The following L3MBTL4 variants were observed in gnomAD, a reference collection of about 807,000 sequenced individuals.
L3MBTL4 encodes the protein lethal(3)malignant brain tumor-like protein 4.
L3MBTL4 carries 70 observed loss-of-function variants against 84.5 expected under a neutral mutation model. That is an observed-to-expected ratio of 0.83 (90% CI 0.68 to 1.01). The LOEUF is 1.01. Ranked by LOEUF, L3MBTL4 falls within the 50% of genes least tolerant of loss-of-function variation. The pLI, the probability that L3MBTL4 is intolerant of heterozygous loss-of-function variation, is 0.00. For synonymous variants in L3MBTL4, 274 were observed against 259.8 expected (o/e 1.05, Z -0.52); for missense variants, 715 against 754.8 (o/e 0.95, Z 0.62).
At chr18:6,383,157 C>T (rs550738214) in intron 1 of L3MBTL4, among the ~76,000 whole-genome samples, 1 of 152,184 alleles carries the variant, frequency 6.6e-6, no homozygotes, top group Admixed American at 6.5e-5. Flanking sequence ...GGACGCCCCT[C>T]CCCCAACCAA....
rs544971927 is a variant in L3MBTL4, at chr18:6,234,048, CA to C, written c.784+3915del. 1.4e-4 allele frequency among the ~76,000 whole-genome samples: 22 copies of C among 152,100 alleles called. 1 individual carries two copies. In the East Asian group the frequency reaches 4.3e-3, roughly 29 times the overall value. ...ACCATCTGATCTTTGACAAACCTGA[CA>C]AAAACAAGAAATGGGGAAAGGATTC... On this transcript the variant is annotated intron_variant, in intron 10 of 18. Coordinates refer to ENST00000317931, the MANE Select transcript of L3MBTL4 (RefSeq NM_001330559.2).
At chr18:6,173,108 A>G (rs1179630038) in intron 12 of L3MBTL4, among the ~76,000 whole-genome samples, 3 of 152,238 alleles carry the variant, frequency 2.0e-5, no homozygotes, top group Admixed American at 2.0e-4. Context: ...CAAGTGTTCT[A>G]CATGAATCTG....
intron 14 of L3MBTL4, among the ~76,000 whole-genome samples, chr18:6,097,694 G>A (rs183252739): frequency 2.6e-4 from 39 of 152,310 alleles, no homozygotes; most frequent in African/African-American, 8.4e-4. Context: ...CAAATGCCAT[G>A]CTCAGAAGCC....
Position 6,272,136 on chromosome 18 carries a change from G to GA in L3MBTL4, c.128-8099_128-8098insT, listed in dbSNP as rs771543058. On this transcript the variant is annotated intron_variant, in intron 4 of 18. Coordinates refer to ENST00000317931, the MANE Select transcript of L3MBTL4 (RefSeq NM_001330559.2). ...TGAGGGAAATGCACCCAGAGAGAGA[G>GA]GAAAAAAGAAGCCTCTCAGAAAAGA... 5.2e-3 allele frequency among the ~76,000 whole-genome samples: 793 copies of GA among 152,156 alleles called. 2 individuals carry two copies. The highest frequency in any genetic ancestry group is 8.6e-3 in the Non-Finnish European group (587 of 67,964).
intron 14 of L3MBTL4, among the ~76,000 whole-genome samples, chr18:6,098,129 C>G (rs1007335814): frequency 6.6e-6 from 1 of 152,184 alleles, no homozygotes; most frequent in African/African-American, 2.4e-5. Context: ...TTCATTTTCT[C>G]CTACCCAGGC....
intron 5 of L3MBTL4, among the ~76,000 whole-genome samples, chr18:6,255,878 AT>A (rs1599360953): frequency 6.6e-6 from 1 of 152,226 alleles, no homozygotes; most frequent in Non-Finnish European, 1.5e-5. Context: ...GCATATCAGA[AT>A]GCATAAAGTA....
At chr18:6,099,585 A>ATATATAT (rs2058743796) in intron 14 of L3MBTL4, among the ~76,000 whole-genome samples, 1 of 64,700 alleles carries the variant, frequency 1.5e-5, no homozygotes, top group Non-Finnish European at 4.1e-5. Context: ...AGATAATGTA[A>ATATATAT]ATATATATAT....
chr18:6,274,755 C>T (rs1200437642), intron 4 of L3MBTL4, among the ~76,000 whole-genome samples: 2 of 152,054 alleles, frequency 1.3e-5, no homozygotes, highest in African/African-American at 4.8e-5. Flanking sequence ...ATAGAAATAT[C>T]AGGAAGGAGA....
intron 15 of L3MBTL4, among the ~76,000 whole-genome samples, chr18:6,083,721 C>A (rs192377624): frequency 2.6e-5 from 4 of 152,264 alleles, no homozygotes; most frequent in African/African-American, 9.6e-5. Context: ...CCTAAACAAT[C>A]TTCAGTGTAT....
At chr18:6,358,338 G>A (rs1277142093) in intron 1 of L3MBTL4, among the ~76,000 whole-genome samples, 1 of 152,118 alleles carries the variant, frequency 6.6e-6, no homozygotes, top group African/African-American at 2.4e-5. Context: ...ATGAGACAAG[G>A]TCACGCAGCT....
In L3MBTL4 at chr18:5,955,267, T is replaced by G. The variant is rs1256194346; in HGVS notation, c.*953A>C. ...AGAATAAGTACCACGCTCCCTACTT[T>G]AGAGATCTTCCCTTTGAATAGTGTG... On this transcript the variant is annotated 3_prime_UTR_variant, in exon 19 of 19. Transcript: ENST00000317931. 6.6e-6 allele frequency: 1 copy of G among 152,238 alleles called. No individual in the cohort carries two copies. Among genetic ancestry groups the G allele is most frequent in the Non-Finnish European group, 1.5e-5 (1 of 68,042 alleles). 9.4% of individuals were successfully genotyped at this position (152,238 alleles called of 1,614,324 possible).
intron 10 of L3MBTL4, among the ~76,000 whole-genome samples, chr18:6,217,159 C>T (rs2046360923): frequency 6.6e-6 from 1 of 152,060 alleles, no homozygotes; most frequent in Non-Finnish European, 1.5e-5. Context: ...GGAAAGTACA[C>T]AAATCAAGTG....
chr18:6,147,570 C>T (rs1052694248), intron 13 of L3MBTL4, among the ~76,000 whole-genome samples: 13 of 152,104 alleles, frequency 8.5e-5, no homozygotes, highest in Admixed American at 3.3e-4. Flanking sequence ...TAAAGTACCA[C>T]GATGGCAATA....
At chr18:6,032,301 A>G (rs2055853764) in intron 16 of L3MBTL4, 5 of 982,720 alleles carry the variant, frequency 5.1e-6, no homozygotes, top group Non-Finnish European at 6.0e-6. Flanking sequence ...AAAAAAAAAG[A>G]ACTAACAACA....
At chr18:6,162,091 T>C (rs1009684954) in intron 13 of L3MBTL4, among the ~76,000 whole-genome samples, 1 of 152,048 alleles carries the variant, frequency 6.6e-6, no homozygotes, top group African/African-American at 2.4e-5. Context: ...CAGATGAGAA[T>C]AATAGATTAA....
chr18:6,106,515 C>A (rs1271080116), intron 14 of L3MBTL4, among the ~76,000 whole-genome samples: 1 of 152,116 alleles, frequency 6.6e-6, no homozygotes, highest in Non-Finnish European at 1.5e-5. Flanking sequence ...ACATTCTCTG[C>A]ATGGGATGAA....
chr18:6,041,611 G>A (rs547090307), intron 16 of L3MBTL4, among the ~76,000 whole-genome samples: 96 of 152,176 alleles, frequency 6.3e-4, no homozygotes, highest in Middle Eastern at 3.4e-3. Flanking sequence ...AAGGCAGAAC[G>A]TGTCCACAAA....
intron 4 of L3MBTL4, among the ~76,000 whole-genome samples, chr18:6,287,733 C>G (rs1313505715): frequency 1.3e-5 from 2 of 152,222 alleles, no homozygotes; most frequent in African/African-American, 4.8e-5. Flanking sequence ...CATTTAGTCA[C>G]ATTTCACAGT....
chr18:6,026,428 GAAGT>G (rs1375633535), intron 16 of L3MBTL4, among the ~76,000 whole-genome samples: 1 of 152,180 alleles, frequency 6.6e-6, no homozygotes, highest in Non-Finnish European at 1.5e-5. Flanking sequence ...ACTTTAGCAA[GAAGT>G]AAGAGTTAAT....
Sources: allele counts gnomAD v4.1 joint callset (sites outside exome capture counted in the v4.1 genomes callset), GRCh38; gene constraint gnomAD v4.1.1; transcripts MANE v1.5; gene names NCBI Gene and HGNC (gene_info 2026-07-23, HGNC 2026-07-21).